Variants in CLK4 observed in about 807,000 individuals in gnomAD.
CLK4 encodes CDC like kinase 4, also known as dual specificity protein kinase CLK4.
A neutral mutation model predicts 64.4 loss-of-function variants in CLK4; 37 were observed. The ratio of observed to expected loss-of-function variants is 0.57; its 90% confidence interval spans 0.44 to 0.76. The LOEUF is 0.76. Among genes scored for constraint, CLK4 ranks in the 30% least tolerant of loss-of-function variants. The probability of loss-of-function intolerance (pLI) is 0.00; values close to 1 mark genes in which losing one functional copy is unlikely to be tolerated. For synonymous variants in CLK4, 175 were observed against 191.6 expected, an observed-to-expected ratio of 0.91 and a Z score of 0.72; for missense variants, 457 against 605.1, an observed-to-expected ratio of 0.76 and a Z score of 2.57.
At chr5:178,613,376 GC>G in intron 7 of CLK4, 96 bp downstream of exon 7, 1 of 813,564 alleles carries the variant, frequency 1.2e-6, no homozygotes. Context: ...ACCCGAGAGC[GC>G]CACTGCACTC....
chr5:178,623,312 A>G lies in CLK4; in HGVS notation c.105T>C (p.Ser35=), dbSNP rs1490828542. ...TACAATGCCTGTTCTCTTGTGTGCTACTATGAGATCTCCTCTTCCGCTTGT... is the reference window on the plus strand; with the variant it reads ...TACAATGCCTGTTCTCTTGTGTGCTGCTATGAGATCTCCTCTTCCGCTTGT... ...GSHKRKRRSH[S]STQENRHCKP... The change falls in exon 2 of 13, where the codon AGT becomes AGC. Residue 35 remains serine (S), a synonymous_variant. Transcript: ENST00000316308. The G allele has an allele frequency of 3.7e-6, 6 of 1,613,906 alleles. No homozygotes were observed. Among genetic ancestry groups the G allele is most frequent in the Non-Finnish European group, 5.1e-6 (6 of 1,179,964 alleles).
chr5:178,617,415 C>T lies in CLK4; in HGVS notation c.404G>A (p.Arg135Lys). 1 of 1,613,916 alleles carries T rather than the reference C, an allele frequency of 6.2e-7. No individual in the cohort carries two copies. Among genetic ancestry groups the T allele is most frequent in the Non-Finnish European group, 8.5e-7 (1 of 1,179,856 alleles). ...QSRSKSHRRK[R>K]SRSIEDDEEG... ...CTCATCATCCTCTATACTCCTGGAT[C>T]TTTTCCTTCGGTGGCTCTTCTGGAA... The change falls in exon 4 of 13, where the codon AGA becomes AAA. Residue 135 changes from arginine to lysine, a missense_variant. Arg to Lys is a conservative substitution (Grantham distance 26). Coordinates refer to ENST00000316308, the MANE Select transcript of CLK4 (RefSeq NM_020666.3). The surrounding 1 kb of genome is among the most constrained non-coding windows in gnomAD (Gnocchi z 5.2).
intron 9 of CLK4, among the ~76,000 whole-genome samples, chr5:178,608,767 AATGGG>A (rs1764502117): frequency 6.6e-6 from 1 of 152,222 alleles, no homozygotes; most frequent in Non-Finnish European, 1.5e-5. Flanking sequence ...CTGTTTATAT[AATGGG>A]AGAGCACTGC....
Position 178,620,018 on chromosome 5 carries a change from T to C in CLK4, c.162-1240A>G, listed in dbSNP as rs150422759. ...CAACCCCTTTCCTTTCCCCAGAATA[T>C]GCTGTCATTCTTTTTCCCAGGGGGC... On this transcript the variant is annotated intron_variant, in intron 2 of 12. Coordinates refer to ENST00000316308, the MANE Select transcript of CLK4 (RefSeq NM_020666.3). 1.6e-3 allele frequency: 623 copies of C among 387,510 alleles called. 3 individuals carry two copies. Among genetic ancestry groups the C allele is most frequent in the African/African-American group, 1.7e-3 (82 of 48,884 alleles). The allele number at this position is 387,510 out of a possible 1,614,324, so 24.0% of individuals were successfully genotyped here.
intron 7 of CLK4, among the ~76,000 whole-genome samples, 186 bp downstream of exon 7, chr5:178,613,287 G>C (rs1022794229): frequency 6.6e-6 from 1 of 152,140 alleles, no homozygotes; most frequent in African/African-American, 2.4e-5. Flanking sequence ...TGGGCATGGT[G>C]GTGGGCGCCT....
intron 7 of CLK4, 110 bp from the exon 8 acceptor site, chr5:178,613,000 AC>A: frequency 1.9e-6 from 1 of 530,032 alleles, no homozygotes. Context: ...ATTCATCTTT[AC>A]TTGTAAAATG....
intron 1 of CLK4, among the ~76,000 whole-genome samples, chr5:178,625,580 G>A (rs1764767781): frequency 6.6e-6 from 1 of 152,054 alleles, no homozygotes; most frequent in Non-Finnish European, 1.5e-5. Context: ...TGATGACCGA[G>A]CGTTATTATT....
intron 10 of CLK4, 106 bp downstream of exon 10, chr5:178,608,269 GA>G (rs1425154692): frequency 2.7e-6 from 2 of 741,822 alleles, no homozygotes; most frequent in East Asian, 5.3e-5. Context: ...TTAATCTCAA[GA>G]ATAATGATGT....
chr5:178,616,226 G>A (rs1273099477), intron 5 of CLK4, among the ~76,000 whole-genome samples: 1 of 152,000 alleles, frequency 6.6e-6, no homozygotes. Flanking sequence ...AGCCTCCCAA[G>A]CAACTGGGAT....
At chr5:178,608,088 A>C (rs1378703627) in intron 10 of CLK4, among the ~76,000 whole-genome samples, 13 of 152,232 alleles carry the variant, frequency 8.5e-5, no homozygotes, top group Admixed American at 8.5e-4. Context: ...CCACATTAAC[A>C]CTACTGCAAA....
intron 10 of CLK4, among the ~76,000 whole-genome samples, chr5:178,607,611 C>T (rs1170245693): frequency 2.0e-5 from 3 of 148,332 alleles, no homozygotes; most frequent in African/African-American, 5.0e-5. Flanking sequence ...CCCAGGTTCA[C>T]GCCATTCTCC....
At chr5:178,612,652 T>G (rs1198745246) in intron 8 of CLK4, 107 bp from the exon 9 acceptor site, 1 of 1,274,634 alleles carries the variant, frequency 7.8e-7, no homozygotes, top group Non-Finnish European at 1.1e-6. Context: ...AGTAAGCTCA[T>G]GAGAAAGGCA....
intron 2 of CLK4, chr5:178,621,817 C>G (rs1443304866): frequency 1.5e-5 from 2 of 130,306 alleles, no homozygotes; most frequent in Non-Finnish European, 1.8e-5. Flanking sequence ...GATTTAGAAA[C>G]AAAGATTTTT....
At chr5:178,610,756 T>TA (rs1457267517) in intron 9 of CLK4, among the ~76,000 whole-genome samples, 1 of 149,104 alleles carries the variant, frequency 6.7e-6, no homozygotes, top group Non-Finnish European at 1.5e-5. Flanking sequence ...GTCTCTGTTA[T>TA]AAAAAACATA....
intron 3 of CLK4, chr5:178,618,292 A>T (rs1012426109): frequency 4.3e-5 from 7 of 163,982 alleles, no homozygotes; most frequent in Non-Finnish European, 2.6e-5. Flanking sequence ...ATAAAAAAAT[A>T]GTTTTATTAT....
chr5:178,603,315 G>T lies in CLK4; in HGVS notation c.*302C>A, dbSNP rs1764413850. The T allele has an allele frequency of 5.6e-6, 1 of 179,378 alleles. No homozygotes were observed. The highest frequency in any genetic ancestry group is 1.9e-4 in the South Asian group (1 of 5,196). The allele number at this position is 179,378 out of a possible 1,614,324, so 11.1% of individuals were successfully genotyped here. On this transcript the variant is annotated 3_prime_UTR_variant, in exon 13 of 13. Transcript: ENST00000316308. ...TTTACTCAAAAAAAATCACTTCAGAGGTGACCTCCATGTACAAAAGGCAAG... is the reference window on the plus strand; with the variant it reads ...TTTACTCAAAAAAAATCACTTCAGATGTGACCTCCATGTACAAAAGGCAAG...
Position 178,608,398 on chromosome 5 carries a change from T to C in CLK4, c.1112A>G (p.Tyr371Cys), listed in dbSNP as rs1033232513. The C allele has an allele frequency of 6.2e-7, 1 of 1,608,426 alleles. No individual in the cohort carries two copies. Among genetic ancestry groups the C allele is most frequent in the Non-Finnish European group, 8.5e-7 (1 of 1,177,544 alleles). Residue 371 changes from tyrosine (Y) to cysteine (C), a missense_variant, in exon 10 of 13, where the codon TAC (tyrosine) becomes TGC (cysteine). Coordinates refer to ENST00000316308, the MANE Select transcript of CLK4 (RefSeq NM_020666.3). ...WSIGCILIEY[Y>C]LGFTVFQTHD... The stretch of plus-strand genomic sequence containing the variant: ...TACCTGAAAGACTGTGAAACCAAGG[T>C]AATATTCAATAAGAATGCAACCTAT...
Position 178,612,626 on chromosome 5 carries a change from T to C in CLK4, c.922-81A>G, listed in dbSNP as rs1472126584. 5 of 1,415,720 alleles carry C rather than the reference T, an allele frequency of 3.5e-6. No individual in the cohort carries two copies. The African/African-American group carries it at 7.2e-5, about 20-fold the overall frequency. 87.7% of individuals were successfully genotyped at this position (1,415,720 alleles called of 1,614,324 possible). On this transcript the variant is annotated intron_variant, in intron 8 of 12. Coordinates refer to ENST00000316308, the MANE Select transcript of CLK4 (RefSeq NM_020666.3). The stretch of plus-strand genomic sequence containing the variant: ...ACTCAAAAGGCCAGCACATGAATTA[T>C]CTTCTTGATTGTCAAAGTAAGCTCA...
intron 10 of CLK4, among the ~76,000 whole-genome samples, chr5:178,607,501 CTT>C (rs1399293923): frequency 3.5e-5 from 4 of 114,516 alleles, no homozygotes; most frequent in Non-Finnish European, 7.5e-5. Flanking sequence ...CCTACCTACA[CTT>C]TGTCTTTTTT....
Sources: allele counts gnomAD v4.1 joint callset (sites outside exome capture counted in the v4.1 genomes callset), GRCh38; gene constraint gnomAD v4.1.1; non-coding constraint Gnocchi (gnomAD v3.1); transcripts MANE v1.5; gene names NCBI Gene and HGNC (gene_info 2026-07-23, HGNC 2026-07-21).